ARSB: variants seen among roughly 807,000 people sequenced by gnomAD.
The protein encoded by ARSB is N-acetylgalactosamine-4-sulfatase.
A neutral mutation model predicts 50.9 loss-of-function variants in ARSB; 41 were observed. That is an observed-to-expected ratio of 0.81 (90% CI 0.63 to 1.04). ARSB has a LOEUF of 1.04. Among genes scored for constraint, ARSB ranks in the 50% least tolerant of loss-of-function variants. The pLI is 0.00. For missense variants in ARSB, 672 were observed against 693.3 expected (o/e 0.97, Z 0.35); for synonymous variants, 269 against 284.8 (o/e 0.94, Z 0.56).
chr5:78,806,262 G>GGA (rs1743558383), intron 6 of ARSB, among the ~76,000 whole-genome samples: 2 of 152,196 alleles, frequency 1.3e-5, no homozygotes, highest in South Asian at 4.1e-4. Context: ...AAGTCACAGT[G>GGA]TCCCCTGGCA....
intron 6 of ARSB, among the ~76,000 whole-genome samples, chr5:78,834,607 GTATATATATATATATATATATATATATA>G (rs58773415): frequency 0.061 from 5,258 of 85,674 alleles, 478 homozygotes; most frequent in African/African-American, 0.2. Flanking sequence ...ATATATATGT[GTATATATATATATATATATATATATATA>G]TATATATATA....
intron 4 of ARSB, among the ~76,000 whole-genome samples, chr5:78,929,264 C>G (rs1750203851): frequency 6.6e-6 from 1 of 152,158 alleles, no homozygotes; most frequent in Non-Finnish European, 1.5e-5. Context: ...TTTGGTCCCT[C>G]CTTCACAATT....
intron 5 of ARSB, among the ~76,000 whole-genome samples, chr5:78,845,871 G>C (rs922101158): frequency 5.9e-5 from 9 of 151,978 alleles, no homozygotes; most frequent in African/African-American, 2.2e-4. Flanking sequence ...TGCTGTGCAG[G>C]AGATTTTAGC....
At chr5:78,952,071 A>G (rs1194015120) in intron 4 of ARSB, among the ~76,000 whole-genome samples, 1 of 152,202 alleles carries the variant, frequency 6.6e-6, no homozygotes, top group Non-Finnish European at 1.5e-5. Context: ...CAAGATTAAG[A>G]TATCTATTAA....
rs776898462 is a variant in ARSB at position 78,814,504 on chromosome 5, A to C, written c.1213+24852T>G. On this transcript the variant is annotated intron_variant, in intron 6 of 7. Transcript: ENST00000264914. Reference sequence around the variant, plus strand: ...TTTATTTACATATTTTTCCCAACTGAAATGGTCTCTCCTCTCTTTTAAAGG... The same window carrying C: ...TTTATTTACATATTTTTCCCAACTGCAATGGTCTCTCCTCTCTTTTAAAGG... 1.8e-4 allele frequency among the ~76,000 whole-genome samples: 27 copies of C among 150,722 alleles called. 1 individual carries two copies. Among genetic ancestry groups the C allele is most frequent in the Non-Finnish European group, 3.7e-4 (25 of 67,678 alleles).
intron 4 of ARSB, among the ~76,000 whole-genome samples, chr5:78,942,044 T>A (rs1209323533): frequency 6.6e-6 from 1 of 152,268 alleles, no homozygotes; most frequent in Non-Finnish European, 1.5e-5. Flanking sequence ...TATCCGTTTC[T>A]TCTAGATTTT....
At chr5:78,861,837 A>C (rs995084705) in intron 5 of ARSB, among the ~76,000 whole-genome samples, 2 of 152,230 alleles carry the variant, frequency 1.3e-5, no homozygotes. Flanking sequence ...CTGTTTGCAC[A>C]TGACATGATT....
intron 1 of ARSB, among the ~76,000 whole-genome samples, chr5:78,976,527 C>T (rs771495275): frequency 6.6e-6 from 1 of 152,032 alleles, no homozygotes; most frequent in East Asian, 1.9e-4. Flanking sequence ...AGGCTGCTCT[C>T]GAACTCCTGG....
intron 6 of ARSB, among the ~76,000 whole-genome samples, chr5:78,836,894 A>AAGGTTCTGCCATGTAGGACAT (rs1389792715): frequency 2.6e-5 from 4 of 152,166 alleles, no homozygotes; most frequent in Non-Finnish European, 5.9e-5. Flanking sequence ...GGTGAAGAGG[A>AAGGTTCTGCCATGTAGGACAT]GGCAGGTATG....
chr5:78,981,504 A>G (rs961084038), intron 1 of ARSB, among the ~76,000 whole-genome samples: 22 of 152,224 alleles, frequency 1.4e-4, no homozygotes, highest in African/African-American at 5.3e-4. Flanking sequence ...TAATCTTTCT[A>G]CCAGTAGATG....
At chr5:78,830,245 A>G (rs1206837470) in intron 6 of ARSB, among the ~76,000 whole-genome samples, 2 of 152,206 alleles carry the variant, frequency 1.3e-5, no homozygotes, top group Non-Finnish European at 2.9e-5. Context: ...GGGGAAAAAA[A>G]AACAAACGCT....
intron 5 of ARSB, chr5:78,882,750 G>A (rs1747810924): frequency 1.4e-5 from 2 of 143,506 alleles, no homozygotes; most frequent in African/African-American, 5.1e-5. Flanking sequence ...GTTTATAGTA[G>A]TTGTTTCTAG....
rs1484668218 is a variant in ARSB, at chr5:78,985,191, G to A, written c.58C>T (p.Leu20Phe). Reference sequence around the variant, plus strand: ...AGCAGCAGCGGGAGGACGACGGGGAGGAGCAGCCGCCGAGGTCCGGGGCCT... The same window carrying A: ...AGCAGCAGCGGGAGGACGACGGGGAAGAGCAGCCGCCGAGGTCCGGGGCCT... ...PRGPGPRRLL[L>F]PVVLPLLLLL... The change falls in exon 1 of 8, where the codon CTC becomes TTC. Residue 20 changes from leucine (L) to phenylalanine (F), a missense_variant. Physicochemically the swap from Leu to Phe is conservative, Grantham distance 22. Coordinates refer to ENST00000264914, the MANE Select transcript of ARSB (RefSeq NM_000046.5). 2.3e-5 allele frequency: 32 copies of A among 1,403,786 alleles called. No homozygotes were observed. Among genetic ancestry groups the A allele is most frequent in the Non-Finnish European group, 2.5e-5 (27 of 1,080,656 alleles). The allele number at this position is 1,403,786 out of a possible 1,614,324, so 87.0% of individuals were successfully genotyped here.
intron 6 of ARSB, among the ~76,000 whole-genome samples, chr5:78,823,004 T>C (rs1370902377): frequency 6.6e-6 from 1 of 152,244 alleles, no homozygotes; most frequent in Non-Finnish European, 1.5e-5. Context: ...TTTTATTATT[T>C]TGTGGTTTTT....
In ARSB at chr5:78,985,237, G is replaced by C; in HGVS notation, c.12C>G (p.Arg4=). The change falls in exon 1 of 8, where the codon CGC becomes CGG. Residue 4 remains arginine (R), a synonymous_variant. Transcript: ENST00000264914. Reference sequence around the variant, plus strand: ...GGCCTCGGGGCAAGCTCGCCGCGCCGCGCGGACCCATCCTTGTCCGCCCGC... The same window carrying C: ...GGCCTCGGGGCAAGCTCGCCGCGCCCCGCGGACCCATCCTTGTCCGCCCGC... MGP[R]GAASLPRGPG... is the part of the protein sequence containing the mutation. The C allele has an allele frequency of 7.5e-7, 1 of 1,324,988 alleles. No homozygotes were observed. The highest frequency in any genetic ancestry group is 9.6e-7 in the Non-Finnish European group (1 of 1,044,364). The allele number at this position is 1,324,988 out of a possible 1,614,324, so 82.1% of individuals were successfully genotyped here.
chr5:78,967,663 A>G (rs933492790), intron 2 of ARSB, among the ~76,000 whole-genome samples: 2 of 147,304 alleles, frequency 1.4e-5, no homozygotes, highest in African/African-American at 5.0e-5. Context: ...ACAGAGCGAG[A>G]CTCCGTATAT....
intron 1 of ARSB, among the ~76,000 whole-genome samples, chr5:78,971,187 C>A (rs1256156974): frequency 6.6e-6 from 1 of 152,172 alleles, no homozygotes; most frequent in Non-Finnish European, 1.5e-5. Context: ...CTGGTGGGTG[C>A]CACTGTAGCC....
intron 6 of ARSB, among the ~76,000 whole-genome samples, chr5:78,825,908 T>G (rs1409934798): frequency 6.6e-6 from 1 of 152,194 alleles, no homozygotes; most frequent in East Asian, 1.9e-4. Context: ...TGCCATCAAT[T>G]AAGCCAAATC....
At position 78,778,630 on chromosome 5, in the gene ARSB, G is replaced by A. The variant is rs761441478; in HGVS notation, c.*1767C>T. ...GCTTGAGAACAGAAAAGCAACAGCTGGAAGACATTTATATTACCTCTGTAT... is the reference window on the plus strand; with the variant it reads ...GCTTGAGAACAGAAAAGCAACAGCTAGAAGACATTTATATTACCTCTGTAT... On this transcript the variant is annotated 3_prime_UTR_variant, in exon 8 of 8. Transcript: ENST00000264914. The A allele has an allele frequency of 6.6e-6, 1 of 152,176 alleles. No homozygotes were observed. The highest frequency in any genetic ancestry group is 1.5e-5 in the Non-Finnish European group (1 of 68,036). 9.4% of individuals were successfully genotyped at this position (152,176 alleles called of 1,614,324 possible).
Sources: allele counts gnomAD v4.1 joint callset (sites outside exome capture counted in the v4.1 genomes callset), GRCh38; gene constraint gnomAD v4.1.1; transcripts MANE v1.5; gene names NCBI Gene and HGNC (gene_info 2026-07-23, HGNC 2026-07-21).